MAPK10: variants seen among roughly 807,000 people sequenced by gnomAD.
MAPK10 encodes the protein JNK3 alpha protein kinase.
A neutral mutation model predicts 59.3 loss-of-function variants in MAPK10; 25 were observed. The observed-to-expected ratio is 0.42, with a 90% CI of 0.31 to 0.59. MAPK10 has a LOEUF of 0.59. Among genes scored for constraint, MAPK10 ranks in the 20% least tolerant of loss-of-function variants. The probability of loss-of-function intolerance (pLI) is 0.15; values close to 1 mark genes in which losing one functional copy is unlikely to be tolerated. For missense variants in MAPK10, 351 were observed against 568.9 expected (o/e 0.62, Z 3.90); for synonymous variants, 190 against 200.5 (o/e 0.95, Z 0.44).
intron 11 of MAPK10, among the ~76,000 whole-genome samples, chr4:86,033,249 A>AGCATCGTATCGAGAGGGCCAACATTACGG: frequency 6.6e-6 from 1 of 152,238 alleles, no homozygotes; most frequent in African/African-American, 2.4e-5. Context: ...CCAAGTGGTA[A>AGCATCGTATCGAGAGGGCCAACATTACGG]ATTTCCGGCT....
intron 3 of MAPK10, among the ~76,000 whole-genome samples, chr4:86,188,360 C>T (rs1158759309): frequency 1.3e-5 from 2 of 152,170 alleles, no homozygotes; most frequent in Admixed American, 6.5e-5. Context: ...TACACTCCCA[C>T]CAACAGTGTA....
intron 1 of MAPK10, among the ~76,000 whole-genome samples, chr4:86,570,078 TAAAAC>T (rs893499116): frequency 6.6e-6 from 1 of 152,176 alleles, no homozygotes; most frequent in Non-Finnish European, 1.5e-5. Context: ...CTTCATTGCT[TAAAAC>T]AAAACAAAAC....
In MAPK10 at chr4:86,441,594, C is replaced by T. The variant is rs1399226934; in HGVS notation, c.-122+11436G>A. 5.3e-5 allele frequency among the ~76,000 whole-genome samples: 8 copies of T among 152,272 alleles called. No individual in the cohort carries two copies. In the South Asian group the frequency reaches 1.2e-3, roughly 24 times the overall value. ...CTTAAAGCTAGAAACAAGCATTTTC[C>T]TAAACATAAGGTATTTTCCAAGTCA... is the stretch of plus-strand genomic sequence containing the variant. On this transcript the variant is annotated intron_variant, in intron 1 of 13. Coordinates refer to the MAPK10 transcript ENST00000361569.
intron 1 of MAPK10, among the ~76,000 whole-genome samples, chr4:86,393,008 C>T (rs567175928): frequency 2.2e-4 from 34 of 152,314 alleles, no homozygotes; most frequent in African/African-American, 6.0e-4. Context: ...TGGAGTCATA[C>T]TTATGTCCTT....
chr4:86,166,852 A>C (rs2071905220), intron 3 of MAPK10, among the ~76,000 whole-genome samples: 1 of 152,224 alleles, frequency 6.6e-6, no homozygotes, highest in Non-Finnish European at 1.5e-5. Context: ...AAAAACTAGC[A>C]GAAAACAAGA....
intron 11 of MAPK10, among the ~76,000 whole-genome samples, chr4:86,051,341 A>C (rs1021031920): frequency 7.5e-6 from 1 of 133,092 alleles, no homozygotes; most frequent in Non-Finnish European, 1.7e-5. Flanking sequence ...CATATAACGA[A>C]TGCCCTAGGG....
At chr4:86,515,052 T>C (rs1279673453) in intron 1 of MAPK10, among the ~76,000 whole-genome samples, 1 of 152,194 alleles carries the variant, frequency 6.6e-6, no homozygotes. Context: ...ACTTATGCCA[T>C]TGCATCCTCA....
At chr4:86,061,805 G>A (rs1253549518) in intron 11 of MAPK10, among the ~76,000 whole-genome samples, 1 of 151,938 alleles carries the variant, frequency 6.6e-6, no homozygotes, top group African/African-American at 2.4e-5. Context: ...TTACTTGAAA[G>A]CTCTTTGATC....
intron 2 of MAPK10, among the ~76,000 whole-genome samples, chr4:86,320,570 T>A (rs1217920739): frequency 6.6e-6 from 1 of 152,224 alleles, no homozygotes; most frequent in Non-Finnish European, 1.5e-5. Context: ...CTTTGTCAGA[T>A]GAGTAGGTTG....
intron 2 of MAPK10, among the ~76,000 whole-genome samples, chr4:86,227,346 G>A (rs1036103291): frequency 6.6e-6 from 1 of 151,940 alleles, no homozygotes; most frequent in African/African-American, 2.4e-5. Context: ...AACTAGCCGG[G>A]CTTGGTGGTG....
At chr4:86,484,099 CT>C (rs1348196641) in intron 1 of MAPK10, among the ~76,000 whole-genome samples, 2 of 152,094 alleles carry the variant, frequency 1.3e-5, no homozygotes, top group Non-Finnish European at 2.9e-5. Context: ...GTAATGGAGG[CT>C]TGGTATTCCA....
chr4:86,062,494 T>C (rs556968594), intron 11 of MAPK10, among the ~76,000 whole-genome samples: 101 of 152,238 alleles, frequency 6.6e-4, no homozygotes, highest in Non-Finnish European at 1.0e-3. Context: ...ATCTCTTTTA[T>C]AGGCAACATA....
At chr4:86,279,460 T>C (rs1233235446) in intron 2 of MAPK10, among the ~76,000 whole-genome samples, 1 of 152,162 alleles carries the variant, frequency 6.6e-6, no homozygotes, top group Non-Finnish European at 1.5e-5. Flanking sequence ...AGTTTCTTTA[T>C]GGTACAAACA....
At chr4:86,305,932 T>A (rs889280473) in intron 2 of MAPK10, among the ~76,000 whole-genome samples, 3 of 152,122 alleles carry the variant, frequency 2.0e-5, no homozygotes, top group African/African-American at 7.2e-5. Flanking sequence ...ATGCTTAATA[T>A]TATCACAATT....
chr4:86,507,547 C>T (rs1278133126), intron 1 of MAPK10, among the ~76,000 whole-genome samples: 1 of 141,414 alleles, frequency 7.1e-6, no homozygotes, highest in Non-Finnish European at 1.5e-5. Flanking sequence ...ATTCTGCAAA[C>T]AAGCCTACAA....
At chr4:86,122,335 A>T (rs766064822) in intron 4 of MAPK10, among the ~76,000 whole-genome samples, 5 of 152,130 alleles carry the variant, frequency 3.3e-5, no homozygotes, top group Non-Finnish European at 5.9e-5. Flanking sequence ...GAAAGTCAAC[A>T]AGCAAAATTC....
chr4:86,420,086 G>A (rs1051190309), intron 1 of MAPK10, among the ~76,000 whole-genome samples: 5 of 152,114 alleles, frequency 3.3e-5, no homozygotes, highest in African/African-American at 9.7e-5. Flanking sequence ...AGACCTGAGA[G>A]GCTACCAAAG....
chr4:86,516,901 A>C (rs1006999169), intron 1 of MAPK10, among the ~76,000 whole-genome samples: 2 of 152,030 alleles, frequency 1.3e-5, no homozygotes, highest in African/African-American at 2.4e-5. Flanking sequence ...GGATGCTTTT[A>C]TTTCTTTCTT....
At chr4:86,311,641 C>T (rs536802439) in intron 2 of MAPK10, among the ~76,000 whole-genome samples, 51 of 152,088 alleles carry the variant, frequency 3.4e-4, no homozygotes, top group Non-Finnish European at 6.8e-4. Flanking sequence ...ACTCTTTATT[C>T]CTAGGTGTGT....
Sources: allele counts gnomAD v4.1 joint callset (sites outside exome capture counted in the v4.1 genomes callset), GRCh38; gene constraint gnomAD v4.1.1; transcripts MANE v1.5; gene names NCBI Gene and HGNC (gene_info 2026-07-23, HGNC 2026-07-21).